The following THSD7A variants were observed in gnomAD, a reference collection of about 807,000 sequenced individuals.
THSD7A encodes thrombospondin type 1 domain containing 7A.
Under a neutral mutation model 231.3 loss-of-function variants are expected in THSD7A, and 96 were observed. The observed-to-expected ratio is 0.41, with a 90% CI of 0.35 to 0.49. THSD7A has a LOEUF of 0.49. Among genes scored for constraint, THSD7A ranks in the 20% least tolerant of loss-of-function variants. The pLI is 0.05. For synonymous variants in THSD7A, 940 were observed against 743.3 expected (o/e 1.26, Z -4.30); for missense variants, 2,290 against 2,070.2 (o/e 1.11, Z -2.06).
chr7:11,469,919 T>C lies in THSD7A; in HGVS notation c.2328A>G (p.Pro776=), dbSNP rs1785866940. Residue 776 remains proline (P), a synonymous_variant, in exon 9 of 28, where the codon CCA becomes CCG. Coordinates refer to ENST00000423059, the MANE Select transcript of THSD7A (RefSeq NM_015204.3). ...LPCKKDCIVT[P]YSDWTSCPSS... ...AGGGGCATGATGTCCAGTCACTATA[T>C]GGGGTCACAATACAGTCCTTCTTAC... 1.2e-6 allele frequency: 2 copies of C among 1,603,098 alleles called. No homozygotes were observed. Among genetic ancestry groups the C allele is most frequent in the South Asian group, 1.1e-5 (1 of 88,616 alleles).
At chr7:11,788,152 C>G (rs2128176967) in intron 1 of THSD7A, among the ~76,000 whole-genome samples, 1 of 152,164 alleles carries the variant, frequency 6.6e-6, no homozygotes, top group Admixed American at 6.6e-5. Context: ...CCTTCCCAAC[C>G]ATTTCTATGA....
intron 1 of THSD7A, among the ~76,000 whole-genome samples, chr7:11,768,740 T>C (rs1018196550): frequency 3.3e-5 from 5 of 152,140 alleles, no homozygotes; most frequent in Non-Finnish European, 7.4e-5. Flanking sequence ...CAATTTATTC[T>C]ACGTTGTTAA....
At chr7:11,534,186 T>A (rs1438250893) in intron 6 of THSD7A, among the ~76,000 whole-genome samples, 1 of 152,122 alleles carries the variant, frequency 6.6e-6, no homozygotes, top group Non-Finnish European at 1.5e-5. Flanking sequence ...TGTGAGAGGA[T>A]TGAAAATAAT....
chr7:11,641,490 C>G (rs1313130495), intron 1 of THSD7A, among the ~76,000 whole-genome samples: 1 of 152,038 alleles, frequency 6.6e-6, no homozygotes, highest in Non-Finnish European at 1.5e-5. Context: ...CTAAGAAAAG[C>G]ATATGTTATA....
At chr7:11,607,293 G>A (rs1200142249) in intron 2 of THSD7A, among the ~76,000 whole-genome samples, 2 of 152,080 alleles carry the variant, frequency 1.3e-5, no homozygotes, top group African/African-American at 4.8e-5. Flanking sequence ...GTTACTTATA[G>A]CAAGACAGAG....
chr7:11,483,599 T>C (rs1786520619), intron 6 of THSD7A, among the ~76,000 whole-genome samples: 3 of 152,190 alleles, frequency 2.0e-5, no homozygotes, highest in Admixed American at 2.0e-4. Context: ...AAATCATTAT[T>C]GTATAAGGCA....
intron 4 of THSD7A, among the ~76,000 whole-genome samples, chr7:11,586,442 G>A (rs1456914061): frequency 6.6e-6 from 1 of 152,078 alleles, no homozygotes; most frequent in South Asian, 2.1e-4. Context: ...AGGTATCAGC[G>A]ACACATGGTT....
In THSD7A at chr7:11,677,584, C is replaced by CAAAAAAAAAAAAA. The variant is rs553030554; in HGVS notation, c.191-40636_191-40624dup. ...GAAGATTGACCAAGCAAATGGAAAGCAAAAAAAAAAAAAAAAAAAAAAAAA... is the reference window on the plus strand; with the variant it reads ...GAAGATTGACCAAGCAAATGGAAAGCAAAAAAAAAAAAAAAAAAAAAAAAAAAAAAAAAAAAAA... On this transcript the variant is annotated intron_variant, in intron 1 of 27. Coordinates refer to ENST00000423059, the MANE Select transcript of THSD7A (RefSeq NM_015204.3). Among the ~76,000 whole-genome samples the CAAAAAAAAAAAAA allele has an allele frequency of 3.6e-4, 8 of 22,274 alleles. 1 individual carries two copies. The highest frequency in any genetic ancestry group is 1.5e-3 in the African/African-American group (6 of 3,884). 14.6% of individuals were successfully genotyped at this position (22,274 alleles called of 152,430 possible). A position where few individuals can be genotyped will look rare whatever the true frequency, so the allele number is the denominator to read the frequency against.
chr7:11,820,309 AG>A (rs1784834766), intron 1 of THSD7A: 1 of 648,966 alleles, frequency 1.5e-6, no homozygotes, highest in Non-Finnish European at 2.3e-6. Flanking sequence ...TTCCGTAAAG[AG>A]TGGACCCTAC....
intron 4 of THSD7A, among the ~76,000 whole-genome samples, chr7:11,567,798 T>G (rs1790427782): frequency 6.6e-6 from 1 of 152,198 alleles, no homozygotes; most frequent in Admixed American, 6.5e-5. Context: ...TTTTGCATAT[T>G]TTGACCCTAG....
chr7:11,594,687 GGGATTCTAACTC>G (rs1286993955), intron 2 of THSD7A, among the ~76,000 whole-genome samples: 1 of 152,104 alleles, frequency 6.6e-6, no homozygotes, highest in African/African-American at 2.4e-5. Context: ...GATAAACTCA[GGGATTCTAACTC>G]CTAGCTTCAT....
chr7:11,534,113 G>C (rs1011362238), intron 6 of THSD7A, among the ~76,000 whole-genome samples: 3 of 152,138 alleles, frequency 2.0e-5, no homozygotes, highest in African/African-American at 7.2e-5. Flanking sequence ...TAAACTTTAA[G>C]CCTGATAATA....
intron 5 of THSD7A, among the ~76,000 whole-genome samples, chr7:11,542,456 A>G (rs1353626455): frequency 4.6e-5 from 7 of 152,234 alleles, no homozygotes; most frequent in Non-Finnish European, 7.3e-5. Flanking sequence ...TGCATATGAA[A>G]GTAATACAGT....
chr7:11,590,414 C>T lies in THSD7A; in HGVS notation c.1453+46G>A. 1 of 1,565,638 alleles carries T rather than the reference C, an allele frequency of 6.4e-7. No individual in the cohort carries two copies. The highest frequency in any genetic ancestry group is 8.7e-7 in the Non-Finnish European group (1 of 1,154,142). The stretch of plus-strand genomic sequence containing the variant: ...TATCCCTTCAGAGCAATCACATGCT[C>T]AGTCAGTCTTCATAAGTGAATCCTT... On this transcript the variant is annotated intron_variant, in intron 4 of 27. Transcript: ENST00000423059. The surrounding 1 kb of genome is among the most constrained non-coding windows in gnomAD (Gnocchi z 4.4).
intron 23 of THSD7A, among the ~76,000 whole-genome samples, chr7:11,394,312 T>A (rs922858359): frequency 3.9e-5 from 6 of 152,150 alleles, no homozygotes; most frequent in African/African-American, 1.2e-4. Flanking sequence ...AAGCAAGTGC[T>A]GAGAGATTTT....
At chr7:11,525,267 A>ATTTAT (rs1554331218) in intron 6 of THSD7A, among the ~76,000 whole-genome samples, 37 of 152,036 alleles carry the variant, frequency 2.4e-4, no homozygotes, top group African/African-American at 8.9e-4. Context: ...CACTGAAGTT[A>ATTTAT]TTTAAATTCA....
intron 22 of THSD7A, among the ~76,000 whole-genome samples, chr7:11,402,322 A>G (rs1783434376): frequency 6.6e-6 from 1 of 152,242 alleles, no homozygotes; most frequent in African/African-American, 2.4e-5. Context: ...GGTTTATTAC[A>G]CATGAGTTAC....
At position 11,576,210 on chromosome 7, in the gene THSD7A, AT is replaced by A. The variant is rs572767358; in HGVS notation, c.1453+14249del. Among the ~76,000 whole-genome samples the A allele has an allele frequency of 1.2e-3, 190 of 152,212 alleles. 2 individuals are homozygous for A. Among genetic ancestry groups the A allele is most frequent in the African/African-American group, 4.3e-3 (178 of 41,550 alleles). On this transcript the variant is annotated intron_variant, in intron 4 of 27. Coordinates refer to ENST00000423059, the MANE Select transcript of THSD7A (RefSeq NM_015204.3). The stretch of plus-strand genomic sequence containing the variant: ...TTCCTTTGCCCCACACTCCTCATCC[AT>A]TTATTCTTAAAATTACTTTATCTCC...
At chr7:11,694,947 A>G (rs1780343218) in intron 1 of THSD7A, among the ~76,000 whole-genome samples, 1 of 151,548 alleles carries the variant, frequency 6.6e-6, no homozygotes, top group African/African-American at 2.4e-5. Flanking sequence ...CCTGAGGTAA[A>G]GAATTGAATA....
Sources: allele counts gnomAD v4.1 joint callset (sites outside exome capture counted in the v4.1 genomes callset), GRCh38; gene constraint gnomAD v4.1.1; non-coding constraint Gnocchi (gnomAD v3.1); transcripts MANE v1.5; gene names NCBI Gene and HGNC (gene_info 2026-07-23, HGNC 2026-07-21).